The following AMPD3 variants were observed in gnomAD, a reference collection of about 807,000 sequenced individuals.
AMPD3 encodes the protein adenosine monophosphate deaminase 3.
Under a neutral mutation model 82.3 loss-of-function variants are expected in AMPD3, and 57 were observed. That is an observed-to-expected ratio of 0.69 (90% CI 0.56 to 0.86). AMPD3 has a LOEUF of 0.86. AMPD3 is among the 40% of genes least tolerant of loss of function. The pLI is 0.00. For synonymous variants in AMPD3, 381 were observed against 394.7 expected, an observed-to-expected ratio of 0.97 and a Z score of 0.41; for missense variants, 870 against 1,003.8, an observed-to-expected ratio of 0.87 and a Z score of 1.80.
chr11:10,464,150 T>C (rs779331162), intron 2 of AMPD3, among the ~76,000 whole-genome samples: 1 of 152,192 alleles, frequency 6.6e-6, no homozygotes, highest in Non-Finnish European at 1.5e-5. Flanking sequence ...CAGTGTCTGG[T>C]TATAGTGCAT....
intron 8 of AMPD3, chr11:10,495,299 C>T (rs1849360808): frequency 1.0e-6 from 1 of 985,468 alleles, no homozygotes; most frequent in Non-Finnish European, 1.2e-6. Context: ...TCTCTGCAGC[C>T]TGAACCTAGC....
At chr11:10,487,076 A>G (rs1849093590) in intron 5 of AMPD3, 159 bp from the exon 6 acceptor site, 3 of 962,228 alleles carry the variant, frequency 3.1e-6, no homozygotes, top group African/African-American at 3.5e-5. Flanking sequence ...ATATGACTCA[A>G]CAGTTCAGCA....
At chr11:10,476,585 G>A (rs1284409429) in intron 2 of AMPD3, among the ~76,000 whole-genome samples, 1 of 152,114 alleles carries the variant, frequency 6.6e-6, no homozygotes, top group Non-Finnish European at 1.5e-5. Flanking sequence ...CTTGGCTGAG[G>A]CATTTGGAGG....
At chr11:10,471,695 A>T (rs1192814194) in intron 2 of AMPD3, among the ~76,000 whole-genome samples, 1 of 152,254 alleles carries the variant, frequency 6.6e-6, no homozygotes, top group Non-Finnish European at 1.5e-5. Context: ...CATATGAAAA[A>T]ATGCTCATCA....
intron 1 of AMPD3, chr11:10,461,016 A>G: frequency 8.9e-7 from 1 of 1,121,778 alleles, no homozygotes; most frequent in Non-Finnish European, 1.1e-6. Flanking sequence ...TGATTTATGT[A>G]ATGAAGAATG....
chr11:10,478,443 G>A (rs1280068369), intron 2 of AMPD3, 83 bp from the exon 3 acceptor site: 2 of 1,589,082 alleles, frequency 1.3e-6, no homozygotes, highest in South Asian at 2.2e-5. Flanking sequence ...AAATTCTCCT[G>A]CCACGCACAC....
chr11:10,502,932 G>T, intron 13 of AMPD3, 38 bp downstream of exon 13: 1 of 1,602,228 alleles, frequency 6.2e-7, no homozygotes, highest in Non-Finnish European at 8.6e-7. Context: ...TGCTTCAGTA[G>T]GCACCAGTCC....
chr11:10,478,108 G>T (rs1848792832), intron 2 of AMPD3: 2 of 985,304 alleles, frequency 2.0e-6, no homozygotes, highest in Non-Finnish European at 2.4e-6. Flanking sequence ...CATATGTTGG[G>T]ACTGAGAGTT....
chr11:10,495,775 G>T (rs1849379434), intron 9 of AMPD3, 42 bp downstream of exon 9: 1 of 1,611,556 alleles, frequency 6.2e-7, no homozygotes, highest in African/African-American at 1.3e-5. Context: ...CCCTACAGAG[G>T]TGACAATCTG....
At chr11:10,461,146 T>C (rs917639745) in intron 1 of AMPD3, 1 of 1,202,700 alleles carries the variant, frequency 8.3e-7, no homozygotes, top group African/African-American at 1.6e-5. Flanking sequence ...CCTCATAGTC[T>C]GGAGGAGGGA....
At position 10,494,998 on chromosome 11, in the gene AMPD3, C is replaced by G. The variant is rs370697339; in HGVS notation, c.1234C>G (p.Leu412Val). 6.2e-7 allele frequency: 1 copy of G among 1,614,100 alleles called. No individual in the cohort carries two copies. Among genetic ancestry groups the G allele is most frequent in the African/African-American group, 1.3e-5 (1 of 74,940 alleles). The stretch of plus-strand genomic sequence containing the variant: ...CCTGTATTTGAAAACTGAAAACTAT[C>G]TGGGAGGAGAGTACTTTGCTCGGAT... ...RDLYLKTENY[L>V]GGEYFARMVK... The change falls in exon 8 of 15, where the codon CTG (leucine) becomes GTG (valine). Residue 412 changes from leucine (L) to valine (V), a missense_variant. Transcript: ENST00000396553.
intron 2 of AMPD3, among the ~76,000 whole-genome samples, chr11:10,466,928 C>T (rs1848438597): frequency 6.6e-6 from 1 of 152,202 alleles, no homozygotes; most frequent in South Asian, 2.1e-4. Context: ...CCAGCAAACT[C>T]TAGCAGAGGG....
At chr11:10,460,083 T>TTATA (rs555939904) in intron 1 of AMPD3, among the ~76,000 whole-genome samples, 78 of 143,118 alleles carry the variant, frequency 5.5e-4, no homozygotes, top group African/African-American at 1.9e-3. Context: ...AATATATATT[T>TTATA]TATATATATA....
chr11:10,504,431 G>A, intron 13 of AMPD3, 118 bp from the exon 14 acceptor site: 1 of 1,097,040 alleles, frequency 9.1e-7, no homozygotes, highest in Non-Finnish European at 1.4e-6. Flanking sequence ...TGATCCAGGT[G>A]CCATTTAGTG....
chr11:10,462,087 A>C (rs543333352), intron 2 of AMPD3, among the ~76,000 whole-genome samples: 1 of 152,300 alleles, frequency 6.6e-6, no homozygotes, highest in East Asian at 1.9e-4. Flanking sequence ...TAATGAACAC[A>C]GCTTACTATT....
Position 10,484,853 on chromosome 11 carries a change from C to G in AMPD3, c.623C>G (p.Pro208Arg). ...FHPPPLPQEDPYCLDDAPPNL... is the reference protein window; with the variant it reads ...FHPPPLPQEDRYCLDDAPPNL... ...CCTCCTCCACTGCCCCAGGAAGACC[C>G]CTACTGCCTGGATGATGCACCCCCC... The change falls in exon 5 of 15, where the codon CCC (proline) becomes CGC (arginine). Residue 208 changes from proline (P) to arginine (R), a missense_variant. Physicochemically the swap from Pro to Arg is moderately radical, Grantham distance 103. Coordinates refer to ENST00000396553, the MANE Select transcript of AMPD3 (RefSeq NM_001025389.2). 3 of 1,614,084 alleles carry G rather than the reference C, an allele frequency of 1.9e-6. No individual in the cohort carries two copies. The highest frequency in any genetic ancestry group is 2.2e-5 in the East Asian group (1 of 44,876).
At chr11:10,501,821 A>G in intron 12 of AMPD3, 1 of 982,072 alleles carries the variant, frequency 1.0e-6, no homozygotes. Context: ...TTACATTAAT[A>G]GAAATAGCCA....
At chr11:10,463,185 C>A (rs1848321256) in intron 2 of AMPD3, among the ~76,000 whole-genome samples, 1 of 152,184 alleles carries the variant, frequency 6.6e-6, no homozygotes, top group Admixed American at 6.5e-5. Context: ...GTTTTAAAGG[C>A]AAGTCTTTTC....
rs761213217 is a variant in AMPD3, at chr11:10,478,507, C to T, written c.222-19C>T. ...TTAGCTTCTGATGTCTCCCACTTTT[C>T]CTTGTCCTTGGCTCTTAGAAAGAAA... On this transcript the variant is annotated intron_variant, in intron 2 of 14. Transcript: ENST00000396553. 5.0e-6 allele frequency: 8 copies of T among 1,614,024 alleles called. No individual in the cohort carries two copies. The East Asian group carries it at 1.6e-4, about 31-fold the overall frequency.
Sources: allele counts gnomAD v4.1 joint callset (sites outside exome capture counted in the v4.1 genomes callset), GRCh38; gene constraint gnomAD v4.1.1; transcripts MANE v1.5; gene names NCBI Gene and HGNC (gene_info 2026-07-23, HGNC 2026-07-21).